CCDC146: variants seen among roughly 807,000 people sequenced by gnomAD.
The protein encoded by CCDC146 is coiled-coil domain-containing protein 146.
A neutral mutation model predicts 119.3 loss-of-function variants in CCDC146; 92 were observed. That is an observed-to-expected ratio of 0.77 (90% CI 0.65 to 0.92). CCDC146 has a LOEUF of 0.92. Ranked by LOEUF, CCDC146 falls within the 40% of genes least tolerant of loss-of-function variation. CCDC146 has a pLI of 0.00. For missense variants in CCDC146, 1,000 were observed against 1,103.0 expected, an observed-to-expected ratio of 0.91 and a Z score of 1.32; for synonymous variants, 372 against 371.8, an observed-to-expected ratio of 1.00 and a Z score of -0.01.
At chr7:77,231,439 A>G (rs921929787) in intron 2 of CCDC146, among the ~76,000 whole-genome samples, 2 of 152,196 alleles carry the variant, frequency 1.3e-5, no homozygotes, top group African/African-American at 4.8e-5. Context: ...ATTTGTGCCT[A>G]GCATAAATGG....
intron 1 of CCDC146, among the ~76,000 whole-genome samples, chr7:77,135,477 G>A (rs543457730): frequency 9.9e-4 from 150 of 152,140 alleles, no homozygotes; most frequent in African/African-American, 3.5e-3. Context: ...AAGAAAGAAA[G>A]AGCGAGAGAG....
At chr7:77,216,602 T>C (rs1415641085) in intron 2 of CCDC146, among the ~76,000 whole-genome samples, 2 of 152,172 alleles carry the variant, frequency 1.3e-5, no homozygotes, top group African/African-American at 4.8e-5. Flanking sequence ...TTCTCAAGTT[T>C]ATTTTTGTCT....
At chr7:77,269,523 G>A (rs1399632364) in intron 9 of CCDC146, among the ~76,000 whole-genome samples, 2 of 152,204 alleles carry the variant, frequency 1.3e-5, no homozygotes, top group African/African-American at 4.8e-5. Flanking sequence ...TGATGGTGAG[G>A]CTTGTCACTG....
At chr7:77,287,613 T>G (rs1246893720) in intron 17 of CCDC146, 36 bp downstream of exon 17, 3 of 1,599,624 alleles carry the variant, frequency 1.9e-6, no homozygotes, top group Admixed American at 3.4e-5. Flanking sequence ...CTTCTGCCCC[T>G]GCTCCTTTAT....
At chr7:77,190,802 TG>T (rs1223536154) in intron 2 of CCDC146, among the ~76,000 whole-genome samples, 2 of 152,344 alleles carry the variant, frequency 1.3e-5, no homozygotes, top group East Asian at 3.9e-4. Flanking sequence ...TTGTTACCTC[TG>T]GGGAGAGGGA....
intron 4 of CCDC146, among the ~76,000 whole-genome samples, chr7:77,251,970 G>A (rs1793069702): frequency 6.6e-6 from 1 of 152,152 alleles, no homozygotes; most frequent in Non-Finnish European, 1.5e-5. Flanking sequence ...CTAACATGGT[G>A]AAACCCCGTC....
At chr7:77,247,518 A>G (rs1184327573) in intron 4 of CCDC146, among the ~76,000 whole-genome samples, 1 of 152,244 alleles carries the variant, frequency 6.6e-6, no homozygotes, top group Non-Finnish European at 1.5e-5. Context: ...CTCAGCTTCA[A>G]TTTGTGGTCT....
intron 2 of CCDC146, among the ~76,000 whole-genome samples, chr7:77,192,664 C>T (rs1791789916): frequency 1.3e-5 from 2 of 152,156 alleles, no homozygotes; most frequent in South Asian, 2.1e-4. Flanking sequence ...GTGGCTAATG[C>T]CTGTAATCCC....
At chr7:77,273,641 T>C in intron 9 of CCDC146, 53 bp from the exon 10 acceptor site, 1 of 1,374,392 alleles carries the variant, frequency 7.3e-7, no homozygotes, top group Non-Finnish European at 1.0e-6. Flanking sequence ...TGCCTCAGCC[T>C]CCCAAAGATT....
chr7:77,269,698 T>C (rs1246099566), intron 9 of CCDC146, among the ~76,000 whole-genome samples: 1 of 152,246 alleles, frequency 6.6e-6, no homozygotes, highest in African/African-American at 2.4e-5. Flanking sequence ...ACCCATTGAA[T>C]ATAAAACTAA....
Position 77,241,639 on chromosome 7 carries a change from C to G in CCDC146, c.240-52C>G, listed in dbSNP as rs368262623. 543 of 1,520,422 alleles carry G rather than the reference C, an allele frequency of 3.6e-4. 5 individuals are homozygous for G. The African/African-American group carries it at 6.6e-3, about 18-fold the overall frequency. The allele number at this position is 1,520,422 out of a possible 1,614,324, so 94.2% of individuals were successfully genotyped here. A position where few individuals can be genotyped will look rare whatever the true frequency, so the allele number is the denominator to read the frequency against. ...CCTCACTAGACCCCCACAGGAGCCACCGAGGATGTACATGTCTCATTATGT... is the reference window on the plus strand; with the variant it reads ...CCTCACTAGACCCCCACAGGAGCCAGCGAGGATGTACATGTCTCATTATGT... On this transcript the variant is annotated intron_variant, in intron 3 of 18. Coordinates refer to ENST00000285871, the MANE Select transcript of CCDC146 (RefSeq NM_020879.3).
rs777297798 is a variant in CCDC146, at chr7:77,273,775, A to C, written c.1255A>C (p.Asn419His). Residue 419 changes from asparagine to histidine, a missense_variant, in exon 10 of 19, where the codon AAT becomes CAT. Physicochemically the swap from Asn to His is moderately conservative, Grantham distance 68 (BLOSUM62 1). Transcript: ENST00000285871. The part of the protein sequence containing the change: ...LHKEVEVAKR[N>H]LAQQKIISEM... ...CAAGGAAGTTGAAGTAGCTAAGAGG[A>C]ATTTGGCCCAACAGGTTAATATCAA... 27 of 1,608,768 alleles carry C rather than the reference A, an allele frequency of 1.7e-5. No individual in the cohort carries two copies. Among genetic ancestry groups the C allele is most frequent in the Non-Finnish European group, 2.2e-5 (26 of 1,176,046 alleles).
intron 2 of CCDC146, among the ~76,000 whole-genome samples, chr7:77,173,091 T>G (rs1791447879): frequency 6.6e-6 from 1 of 151,602 alleles, no homozygotes; most frequent in Admixed American, 6.6e-5. Context: ...TGTTTGGGGG[T>G]TGGGGGCCGA....
At chr7:77,280,696 A>G (rs1179064057) in intron 14 of CCDC146, 43 bp downstream of exon 14, 3 of 1,339,706 alleles carry the variant, frequency 2.2e-6, no homozygotes, top group Non-Finnish European at 1.0e-6. Flanking sequence ...GATCCAACTG[A>G]GGAATGTCAC....
At chr7:77,175,195 G>A (rs571653730) in intron 2 of CCDC146, among the ~76,000 whole-genome samples, 11 of 151,324 alleles carry the variant, frequency 7.3e-5, no homozygotes, top group South Asian at 6.2e-4. Flanking sequence ...AATGCTGTGA[G>A]CCAAAATCAA....
At chr7:77,292,916 T>C in intron 17 of CCDC146, 36 bp from the exon 18 acceptor site, 1 of 1,605,306 alleles carries the variant, frequency 6.2e-7, no homozygotes, top group East Asian at 2.2e-5. Context: ...TTGTGGACTG[T>C]ATACATAGAC....
At chr7:77,166,461 C>T (rs922743051) in intron 1 of CCDC146, among the ~76,000 whole-genome samples, 5 of 151,204 alleles carry the variant, frequency 3.3e-5, no homozygotes. Flanking sequence ...GAGCAGCTCA[C>T]ATCACTTTCA....
intron 1 of CCDC146, among the ~76,000 whole-genome samples, chr7:77,132,440 G>A (rs113006548): frequency 9.9e-5 from 15 of 151,700 alleles, no homozygotes; most frequent in African/African-American, 3.6e-4. Flanking sequence ...CAGTGGACCA[G>A]GTGTGGTGGC....
intron 2 of CCDC146, among the ~76,000 whole-genome samples, chr7:77,171,382 T>TC: frequency 6.6e-6 from 1 of 152,142 alleles, no homozygotes; most frequent in Non-Finnish European, 1.5e-5. Flanking sequence ...TAAATAAGTT[T>TC]CCCCCTTCTG....
Sources: gnomAD v4.1 joint callset for allele counts (sites outside exome capture counted in the v4.1 genomes callset) on GRCh38, gnomAD v4.1.1 for gene constraint, MANE v1.5 for transcripts, NCBI Gene and HGNC (gene_info 2026-07-23, HGNC 2026-07-21) for gene names.